Variants in DPP10 observed in about 807,000 individuals in gnomAD.
The protein encoded by DPP10 is dipeptidyl peptidase like 10.
Under a neutral mutation model 120.9 loss-of-function variants are expected in DPP10, and 33 were observed. The ratio of observed to expected loss-of-function variants is 0.27; its 90% confidence interval spans 0.21 to 0.37. The LOEUF is 0.37. Ranked by LOEUF, DPP10 falls within the 10% of genes least tolerant of loss-of-function variation. DPP10 has a pLI of 1.00. For synonymous variants in DPP10, 337 were observed against 326.1 expected (o/e 1.03, Z -0.36); for missense variants, 816 against 942.8 (o/e 0.87, Z 1.76).
chr2:115,809,129 A>G (rs1686349838), intron 19 of DPP10, among the ~76,000 whole-genome samples: 1 of 152,220 alleles, frequency 6.6e-6, no homozygotes. Flanking sequence ...TGAAGTAAAT[A>G]CAGTGTATGA....
intron 7 of DPP10, among the ~76,000 whole-genome samples, chr2:115,697,392 A>G (rs2091649724): frequency 6.6e-6 from 1 of 151,716 alleles, no homozygotes; most frequent in Admixed American, 6.6e-5. Context: ...GGAAAGAGAT[A>G]TTTCATGCAA....
At chr2:114,608,893 G>A (rs112609330) in intron 1 of DPP10, among the ~76,000 whole-genome samples, 1,595 of 152,196 alleles carry the variant, frequency 0.01, 39 homozygotes, top group African/African-American at 0.037. Context: ...ACTAGAAAGG[G>A]GAGAGAGGAA....
intron 1 of DPP10, among the ~76,000 whole-genome samples, chr2:115,210,941 G>C (rs2056471350): frequency 6.6e-6 from 1 of 151,902 alleles, no homozygotes; most frequent in Admixed American, 6.6e-5. Context: ...GATACAGAGA[G>C]GAAGATCAAA....
intron 5 of DPP10, among the ~76,000 whole-genome samples, chr2:115,672,289 T>C (rs1278949983): frequency 2.0e-5 from 3 of 152,164 alleles, no homozygotes; most frequent in Non-Finnish European, 4.4e-5. Context: ...CTTGGTGTCA[T>C]ATTTCATTAG....
At chr2:115,659,799 T>C (rs1558991792) in intron 5 of DPP10, among the ~76,000 whole-genome samples, 1 of 152,224 alleles carries the variant, frequency 6.6e-6, no homozygotes, top group Non-Finnish European at 1.5e-5. Context: ...TTTTCATTTG[T>C]CAGTTCTATA....
chr2:114,955,056 C>T (rs1313776153), intron 1 of DPP10, among the ~76,000 whole-genome samples: 2 of 152,116 alleles, frequency 1.3e-5, no homozygotes, highest in African/African-American at 4.8e-5. Context: ...GATTCTTGGA[C>T]CTTGCATAAG....
At chr2:114,498,714 C>T (rs977622295) in intron 1 of DPP10, among the ~76,000 whole-genome samples, 3 of 152,150 alleles carry the variant, frequency 2.0e-5, no homozygotes, top group African/African-American at 4.8e-5. Flanking sequence ...ATGATAATGA[C>T]ATTAGTCCAT....
Position 115,396,719 on chromosome 2 carries a change from T to C in DPP10, c.271+52807T>C, listed in dbSNP as rs909008067. Among the ~76,000 whole-genome samples, 12 of 152,316 alleles carry C rather than the reference T, an allele frequency of 7.9e-5. No individual in the cohort carries two copies. In the East Asian group the frequency reaches 2.3e-3, roughly 29 times the overall value. ...AGTTTAAAAAGCAATAAAAGGTTGC[T>C]GCTTCCACAGTCATTAGCTTTCGTT... On this transcript the variant is annotated intron_variant, in intron 3 of 25. Transcript: ENST00000410059.
chr2:114,870,545 AAAGGGGGAACT>A (rs1690612310), intron 1 of DPP10, among the ~76,000 whole-genome samples: 1 of 82,714 alleles, frequency 1.2e-5, no homozygotes, highest in South Asian at 3.4e-4. Context: ...AGTCAGGTAG[AAAGGGGGAACT>A]CTTGGCTGAA....
intron 2 of DPP10, among the ~76,000 whole-genome samples, chr2:115,322,755 AT>A (rs959424535): frequency 1.5e-4 from 22 of 151,494 alleles, no homozygotes; most frequent in South Asian, 8.3e-4. Flanking sequence ...AAATCATACA[AT>A]TTTTTTTTGG....
intron 1 of DPP10, chr2:115,161,749 G>A (rs1439661296): frequency 6.6e-6 from 3 of 454,424 alleles, no homozygotes; most frequent in South Asian, 3.9e-5. Flanking sequence ...GAGTCAGAGG[G>A]TCTGCGGTGG....
chr2:115,670,678 A>C (rs1390708024), intron 5 of DPP10, among the ~76,000 whole-genome samples: 1 of 152,134 alleles, frequency 6.6e-6, no homozygotes, highest in African/African-American at 2.4e-5. Flanking sequence ...GTCTACGTTA[A>C]AGCTGCCATT....
In DPP10 at chr2:115,328,193, C is replaced by T. The variant is rs544261529; in HGVS notation, c.176-15624C>T. On this transcript the variant is annotated intron_variant, in intron 2 of 25. Transcript: ENST00000410059. The stretch of plus-strand genomic sequence containing the variant: ...ATAACACTTTAGGGTAAAAGGAGGA[C>T]ATCATTTCAGGGTGTATGTGTGTAC... 1.5e-4 allele frequency among the ~76,000 whole-genome samples: 23 copies of T among 152,120 alleles called. No homozygotes were observed. In the South Asian group the frequency reaches 4.8e-3, roughly 32 times the overall value.
At position 115,346,037 on chromosome 2, in the gene DPP10, A is replaced by C. The variant is rs138196881; in HGVS notation, c.271+2125A>C. Among the ~76,000 whole-genome samples, 250 of 152,338 alleles carry C rather than the reference A, an allele frequency of 1.6e-3. 4 individuals carry two copies. The highest frequency in any genetic ancestry group is 5.5e-3 in the African/African-American group (229 of 41,586). ...TAAGCTCTGAAAGAATGCAGTCTTT[A>C]TAAATACCATTGAAGGAACTGTCTC... On this transcript the variant is annotated intron_variant, in intron 3 of 25. Coordinates refer to ENST00000410059, the MANE Select transcript of DPP10 (RefSeq NM_020868.6).
intron 1 of DPP10, among the ~76,000 whole-genome samples, chr2:114,867,874 C>A (rs1170996847): frequency 1.3e-5 from 2 of 152,224 alleles, no homozygotes; most frequent in Admixed American, 6.5e-5. Flanking sequence ...TCACATCTGA[C>A]ACTCAGCTCC....
chr2:114,455,667 G>T (rs914507977), intron 1 of DPP10, among the ~76,000 whole-genome samples: 2 of 151,300 alleles, frequency 1.3e-5, no homozygotes, highest in East Asian at 3.9e-4. Flanking sequence ...TCCATAATAA[G>T]AAGAAAATAT....
At chr2:114,570,483 G>GT (rs1477047839) in intron 1 of DPP10, among the ~76,000 whole-genome samples, 1 of 152,096 alleles carries the variant, frequency 6.6e-6, no homozygotes, top group African/African-American at 2.4e-5. Flanking sequence ...TTGGCAATGT[G>GT]TCCACAGTAG....
At chr2:115,264,211 A>G (rs375711831) in intron 1 of DPP10, among the ~76,000 whole-genome samples, 87 of 152,308 alleles carry the variant, frequency 5.7e-4, no homozygotes, top group African/African-American at 1.4e-3. Context: ...TAAAACTTCA[A>G]TTAGTTTTTG....
intron 1 of DPP10, among the ~76,000 whole-genome samples, chr2:114,784,238 A>G (rs1462063849): frequency 2.6e-5 from 4 of 152,132 alleles, no homozygotes; most frequent in Admixed American, 6.5e-5. Context: ...TCCCTCAGCT[A>G]TCACTCACTT....
Sources: allele counts gnomAD v4.1 joint callset (sites outside exome capture counted in the v4.1 genomes callset), GRCh38; gene constraint gnomAD v4.1.1; transcripts MANE v1.5; gene names NCBI Gene and HGNC (gene_info 2026-07-23, HGNC 2026-07-21).